The following RBFOX1 variants were observed in gnomAD, a reference collection of about 807,000 sequenced individuals.
RBFOX1 encodes RNA binding fox-1 homolog 1.
RBFOX1 carries 8 observed loss-of-function variants against 57.7 expected under a neutral mutation model. The ratio of observed to expected loss-of-function variants is 0.14; its 90% CI spans 0.08 to 0.25. The LOEUF (loss-of-function observed/expected upper bound fraction) is 0.25. Ranked by LOEUF, RBFOX1 falls within the 10% of genes least tolerant of loss-of-function variation. RBFOX1 has a pLI of 1.00. For synonymous variants in RBFOX1, 326 were observed against 222.4 expected (o/e 1.47, Z -4.15); for missense variants, 611 against 548.5 (o/e 1.11, Z -1.14).
chr16:5,740,159 G>C (rs193079471), intron 3 of RBFOX1, among the ~76,000 whole-genome samples: 71 of 152,358 alleles, frequency 4.7e-4, no homozygotes, highest in Admixed American at 4.5e-3. Flanking sequence ...TAAACACACG[G>C]GGAGGAGGCT....
At chr16:6,102,782 C>T (rs1263269138) in intron 1 of RBFOX1, among the ~76,000 whole-genome samples, 1 of 152,108 alleles carries the variant, frequency 6.6e-6, no homozygotes, top group South Asian at 2.1e-4. Flanking sequence ...TCGTGATTTT[C>T]ATTTTAGAGT....
chr16:5,470,580 G>A (rs972814233), intron 2 of RBFOX1, among the ~76,000 whole-genome samples: 10 of 152,078 alleles, frequency 6.6e-5, no homozygotes, highest in South Asian at 4.2e-4. Context: ...TTCAGTGGGC[G>A]TCACCCGTGA....
chr16:6,656,611 C>G (rs866072988), intron 3 of RBFOX1, among the ~76,000 whole-genome samples: 1 of 150,864 alleles, frequency 6.6e-6, no homozygotes. Context: ...CACACACACA[C>G]ACACACACAC....
intron 4 of RBFOX1, among the ~76,000 whole-genome samples, chr16:6,004,711 C>G (rs189910321): frequency 6.6e-6 from 1 of 152,204 alleles, no homozygotes; most frequent in Non-Finnish European, 1.5e-5. Flanking sequence ...AGGTCCTCAT[C>G]AGGGTATATT....
chr16:6,372,318 G>C (rs1232492446), intron 2 of RBFOX1, among the ~76,000 whole-genome samples: 1 of 151,986 alleles, frequency 6.6e-6, no homozygotes, highest in African/African-American at 2.4e-5. Context: ...TAGGAGGATG[G>C]TTGGGTGGAG....
chr16:7,489,467 A>T (rs1272170873), intron 4 of RBFOX1, among the ~76,000 whole-genome samples: 1 of 151,686 alleles, frequency 6.6e-6, no homozygotes, highest in Admixed American at 6.6e-5. Flanking sequence ...TGCTGTTCCT[A>T]TTTTGGAGAT....
chr16:6,179,416 G>C (rs575569724), intron 1 of RBFOX1, among the ~76,000 whole-genome samples: 2 of 152,224 alleles, frequency 1.3e-5, no homozygotes, highest in South Asian at 4.2e-4. Flanking sequence ...AATTCTGATC[G>C]TAGAAAAACT....
At chr16:5,739,411 G>C (rs1002381244) in intron 3 of RBFOX1, among the ~76,000 whole-genome samples, 1 of 152,208 alleles carries the variant, frequency 6.6e-6, no homozygotes, top group Admixed American at 6.5e-5. Context: ...TGGCACTTGT[G>C]TCTGGTAGGG....
At chr16:6,313,018 T>C (rs1366604278) in intron 1 of RBFOX1, among the ~76,000 whole-genome samples, 1 of 152,100 alleles carries the variant, frequency 6.6e-6, no homozygotes, top group South Asian at 2.1e-4. Flanking sequence ...CTTAAAGCCA[T>C]GTGGTCAGGG....
At chr16:6,893,277 C>T (rs2065955117) in intron 3 of RBFOX1, among the ~76,000 whole-genome samples, 1 of 152,124 alleles carries the variant, frequency 6.6e-6, no homozygotes, top group South Asian at 2.1e-4. Flanking sequence ...AGTTTGGTTT[C>T]TTGTCTTAGA....
In RBFOX1 at chr16:5,868,278, C is replaced by T. The variant is rs141891258; in HGVS notation, c.351+943C>T. On this transcript the variant is annotated intron_variant, in intron 4 of 19. Coordinates refer to the RBFOX1 transcript ENST00000641259. Reference sequence around the variant, plus strand: ...GGAGCCCAGGGCTCTGTGTGACGTCCAGTGTTGCATTATTGGAACCCTAAG... The same window carrying T: ...GGAGCCCAGGGCTCTGTGTGACGTCTAGTGTTGCATTATTGGAACCCTAAG... 4.3e-3 allele frequency among the ~76,000 whole-genome samples: 652 copies of T among 152,322 alleles called. 18 individuals carry two copies. Among genetic ancestry groups the T allele is most frequent in the Admixed American group, 0.04 (606 of 15,294 alleles).
At chr16:6,922,642 C>A (rs2074728599) in intron 3 of RBFOX1, among the ~76,000 whole-genome samples, 1 of 152,108 alleles carries the variant, frequency 6.6e-6, no homozygotes, top group Non-Finnish European at 1.5e-5. Flanking sequence ...AATGTGCAGC[C>A]ACCTGTAAGC....
rs2083427329 is a variant in RBFOX1 at position 7,184,940 on chromosome 16, T to C, written c.27+132842T>C. The stretch of plus-strand genomic sequence containing the variant: ...TACTTGGTGCCCAAAGTACGTTTGA[T>C]ACTTTACATATGTTACCTCTCTCAA... On this transcript the variant is annotated intron_variant, in intron 4 of 15. Coordinates refer to ENST00000550418, the MANE Select transcript of RBFOX1 (RefSeq NM_018723.4). 2.6e-5 allele frequency among the ~76,000 whole-genome samples: 4 copies of C among 152,196 alleles called. No homozygotes were observed. In the South Asian group the frequency reaches 8.3e-4, roughly 32 times the overall value.
intron 14 of RBFOX1, among the ~76,000 whole-genome samples, chr16:7,690,046 A>T (rs1454293615): frequency 6.6e-6 from 1 of 152,130 alleles, no homozygotes; most frequent in African/African-American, 2.4e-5. Flanking sequence ...AACTCCCTTG[A>T]ATCCCTTCCT....
chr16:5,318,217 C>T (rs2064296332), intron 1 of RBFOX1, among the ~76,000 whole-genome samples: 1 of 152,192 alleles, frequency 6.6e-6, no homozygotes, highest in African/African-American at 2.4e-5. Context: ...CAACCTCCAC[C>T]TCCCAGGTTC....
intron 3 of RBFOX1, among the ~76,000 whole-genome samples, chr16:6,830,777 G>T (rs1175293125): frequency 6.6e-6 from 1 of 152,158 alleles, no homozygotes; most frequent in African/African-American, 2.4e-5. Flanking sequence ...GACGTCCTCT[G>T]TTGAGATGGT....
chr16:6,880,268 G>A (rs2062667042), intron 3 of RBFOX1, among the ~76,000 whole-genome samples: 1 of 151,980 alleles, frequency 6.6e-6, no homozygotes, highest in Non-Finnish European at 1.5e-5. Flanking sequence ...GTTAACCTTG[G>A]GGAAAAAAAT....
At chr16:7,460,958 C>G (rs1273552534) in intron 4 of RBFOX1, among the ~76,000 whole-genome samples, 1 of 152,096 alleles carries the variant, frequency 6.6e-6, no homozygotes, top group Non-Finnish European at 1.5e-5. Flanking sequence ...ATGGAATAAT[C>G]AAGATTGATC....
chr16:6,913,007 C>T (rs1339573065), intron 3 of RBFOX1, among the ~76,000 whole-genome samples: 4 of 152,060 alleles, frequency 2.6e-5, no homozygotes, highest in Admixed American at 6.6e-5. Context: ...TTATATTCTA[C>T]TTCCTATTTC....
Sources: gnomAD v4.1 joint callset for allele counts (sites outside exome capture counted in the v4.1 genomes callset) on GRCh38, gnomAD v4.1.1 for gene constraint, MANE v1.5 for transcripts, NCBI Gene and HGNC (gene_info 2026-07-23, HGNC 2026-07-21) for gene names.